HFM1: variants seen among roughly 807,000 people sequenced by gnomAD.
HFM1 encodes helicase for meiosis 1, also known as probable ATP-dependent DNA helicase HFM1.
In HFM1, 169 loss-of-function variants were observed where a neutral mutation model predicts 192.1. The observed-to-expected ratio is 0.88, with a 90% confidence interval of 0.78 to 1.00. HFM1 has a LOEUF of 1.00. Ranked by LOEUF, HFM1 falls within the 50% of genes least tolerant of loss-of-function variation. The pLI, the probability that HFM1 is intolerant of heterozygous loss-of-function variation, is 0.00. For missense variants in HFM1, 1,661 were observed against 1,668.0 expected (o/e 1.00, Z 0.07); for synonymous variants, 525 against 537.8 (o/e 0.98, Z 0.33).
intron 36 of HFM1, among the ~76,000 whole-genome samples, chr1:91,263,862 G>C (rs577844836): frequency 7.9e-5 from 12 of 152,252 alleles, no homozygotes; most frequent in African/African-American, 2.6e-4. Flanking sequence ...CACATCTTCT[G>C]TTGGTCCCTT....
chr1:91,337,643 C>T (rs1654778930), intron 20 of HFM1, among the ~76,000 whole-genome samples: 2 of 152,208 alleles, frequency 1.3e-5, no homozygotes, highest in Non-Finnish European at 2.9e-5. Context: ...CCTCAGGTAA[C>T]TTGGCTGCAG....
rs1221376362 is a variant in HFM1 at position 91,394,093 on chromosome 1, C to G, written c.494G>C (p.Arg165Thr). Residue 165 changes from arginine to threonine, a missense_variant and splice_region_variant, in exon 4 of 39, where the codon AGA (arginine) becomes ACA (threonine). Coordinates refer to ENST00000370425, the MANE Select transcript of HFM1 (RefSeq NM_001017975.6). The stretch of plus-strand genomic sequence containing the variant: ...TATTTAGTTTAATTATAATAATTAC[C>G]TTTTCCGGAATACTGATGTGCTCTC... The part of the protein sequence containing the change: ...KGESTSVFRK[R>T]LFKISDNIHG... 6.8e-7 allele frequency: 1 copy of G among 1,460,310 alleles called. No homozygotes were observed. Among genetic ancestry groups the G allele is most frequent in the South Asian group, 1.3e-5 (1 of 74,876 alleles). 90.5% of individuals were successfully genotyped at this position (1,460,310 alleles called of 1,614,324 possible).
Position 91,316,185 on chromosome 1 carries a change from C to A in HFM1, c.2899-1G>T, listed in dbSNP as rs556416462. ...CAAAGGGGGGATGTCTGTTTAAAAT[C>A]TAAAAATATTTACATCATTATATTC... On this transcript the variant is annotated splice_acceptor_variant, in intron 26 of 38. Transcript: ENST00000370425. LOFTEE classifies it high-confidence loss of function. 2.6e-6 allele frequency: 4 copies of A among 1,525,186 alleles called. No homozygotes were observed. Among genetic ancestry groups the A allele is most frequent in the Non-Finnish European group, 3.6e-6 (4 of 1,116,918 alleles). The allele number at this position is 1,525,186 out of a possible 1,614,324, so 94.5% of individuals were successfully genotyped here. A position where few individuals can be genotyped will look rare whatever the true frequency, so the allele number is the denominator to read the frequency against.
chr1:91,295,005 T>C (rs978028780), intron 30 of HFM1, among the ~76,000 whole-genome samples: 1 of 152,170 alleles, frequency 6.6e-6, no homozygotes, highest in Non-Finnish European at 1.5e-5. Flanking sequence ...AGAGTAGTAG[T>C]TGTTATATAT....
At chr1:91,291,799 C>T (rs1290370201) in intron 30 of HFM1, among the ~76,000 whole-genome samples, 1 of 151,854 alleles carries the variant, frequency 6.6e-6, no homozygotes, top group African/African-American at 2.4e-5. Flanking sequence ...TGCAAAAATC[C>T]TCAATAAAAT....
intron 30 of HFM1, among the ~76,000 whole-genome samples, chr1:91,281,527 T>C (rs1432575501): frequency 6.6e-6 from 1 of 152,196 alleles, no homozygotes; most frequent in Non-Finnish European, 1.5e-5. Flanking sequence ...CTGAATCTAC[T>C]ACAAATGGAT....
At chr1:91,290,761 C>T (rs916895350) in intron 30 of HFM1, among the ~76,000 whole-genome samples, 1 of 151,898 alleles carries the variant, frequency 6.6e-6, no homozygotes, top group Admixed American at 6.6e-5. Context: ...TTTTTCAGCA[C>T]CACACCACAC....
Position 91,359,441 on chromosome 1 carries a change from C to T in HFM1, c.1686-6142G>A, listed in dbSNP as rs567224930. ...TCTGATGGAGGTGAGAAACACAACA[C>T]GAGAACTTCACAATGCAATCGCAAG... On this transcript the variant is annotated intron_variant, in intron 13 of 38. Transcript: ENST00000370425. 4.0e-5 allele frequency among the ~76,000 whole-genome samples: 6 copies of T among 151,856 alleles called. No individual in the cohort carries two copies. The South Asian group carries it at 8.3e-4, about 21-fold the overall frequency.
At chr1:91,362,000 A>G (rs1658582056) in intron 13 of HFM1, among the ~76,000 whole-genome samples, 1 of 152,212 alleles carries the variant, frequency 6.6e-6, no homozygotes, top group African/African-American at 2.4e-5. Context: ...ACACTCCTTC[A>G]TGTTAAAAAC....
intron 4 of HFM1, among the ~76,000 whole-genome samples, chr1:91,389,934 T>TA (rs1662731888): frequency 6.6e-6 from 1 of 152,150 alleles, no homozygotes; most frequent in African/African-American, 2.4e-5. Flanking sequence ...AAGTTAAATA[T>TA]AAAGTTACCA....
chr1:91,331,111 T>C (rs972488332), intron 20 of HFM1, among the ~76,000 whole-genome samples: 6 of 152,182 alleles, frequency 3.9e-5, no homozygotes, highest in Non-Finnish European at 8.8e-5. Context: ...CACCATAGTA[T>C]TGGAAGTCCT....
At chr1:91,362,725 G>A (rs1049920200) in intron 13 of HFM1, among the ~76,000 whole-genome samples, 5 of 151,162 alleles carry the variant, frequency 3.3e-5, no homozygotes, top group Non-Finnish European at 7.4e-5. Context: ...AAATAGCTGA[G>A]ATGATCCTAA....
At chr1:91,282,319 C>T (rs1667532804) in intron 30 of HFM1, among the ~76,000 whole-genome samples, 1 of 151,616 alleles carries the variant, frequency 6.6e-6, no homozygotes, top group Admixed American at 6.6e-5. Flanking sequence ...TGTGCTTGCT[C>T]TGGTTCTTTT....
chr1:91,373,842 A>T (rs559202243), intron 13 of HFM1, among the ~76,000 whole-genome samples: 1 of 152,216 alleles, frequency 6.6e-6, no homozygotes, highest in Admixed American at 6.6e-5. Context: ...AAATTTCTTT[A>T]TATCAATGCA....
chr1:91,378,211 T>C (rs1173016152), intron 10 of HFM1, 28 bp from the exon 11 acceptor site: 1 of 1,515,344 alleles, frequency 6.6e-7, no homozygotes, highest in Non-Finnish European at 8.9e-7. Flanking sequence ...AAAAAATCAT[T>C]AGCTATAGAA....
chr1:91,272,907 A>G (rs1395466419), intron 34 of HFM1, among the ~76,000 whole-genome samples: 2 of 152,056 alleles, frequency 1.3e-5, no homozygotes, highest in Admixed American at 6.6e-5. Context: ...ACAGAAGCCA[A>G]TGCCAAACAC....
chr1:91,384,656 T>C (rs1358583496), intron 6 of HFM1, among the ~76,000 whole-genome samples: 1 of 152,134 alleles, frequency 6.6e-6, no homozygotes, highest in African/African-American at 2.4e-5. Flanking sequence ...CTGACTTCTG[T>C]ACTTAATTTG....
At position 91,266,110 on chromosome 1, in the gene HFM1, AT is replaced by A. The variant is rs779224639; in HGVS notation, c.3884-4del. 1.9e-6 allele frequency: 3 copies of A among 1,588,136 alleles called. No individual in the cohort carries two copies. In the South Asian group the frequency reaches 3.5e-5, roughly 18 times the overall value. On this transcript the variant is annotated splice_region_variant and splice_polypyrimidine_tract_variant and intron_variant, in intron 35 of 38. Coordinates refer to ENST00000370425, the MANE Select transcript of HFM1 (RefSeq NM_001017975.6). Reference sequence around the variant, plus strand: ...TGAACTCAAAGTGTTTCCAAATCCTATGTGAAGAGATAACATTTTGAAACAA... The same window carrying A: ...TGAACTCAAAGTGTTTCCAAATCCTAGTGAAGAGATAACATTTTGAAACAA...
At chr1:91,399,533 A>T (rs1474976330) in intron 2 of HFM1, among the ~76,000 whole-genome samples, 4 of 152,136 alleles carry the variant, frequency 2.6e-5, no homozygotes, top group Admixed American at 1.3e-4. Flanking sequence ...TCTAACCTCA[A>T]CTTAGAATTT....
Sources: allele counts gnomAD v4.1 joint callset (sites outside exome capture counted in the v4.1 genomes callset), GRCh38; gene constraint gnomAD v4.1.1; transcripts MANE v1.5; gene names NCBI Gene and HGNC (gene_info 2026-07-23, HGNC 2026-07-21).